The following PRKCH variants were observed in gnomAD, a reference collection of about 807,000 sequenced individuals.
PRKCH encodes the protein protein kinase C eta type.
Under a neutral mutation model 82.5 loss-of-function variants are expected in PRKCH, and 28 were observed. The observed-to-expected ratio is 0.34, with a 90% confidence interval of 0.25 to 0.47. The LOEUF (loss-of-function observed/expected upper bound fraction) is 0.47, where lower values mean the gene tolerates loss of function less well. Among genes scored for constraint, PRKCH ranks in the 20% least tolerant of loss-of-function variants. The probability of loss-of-function intolerance (pLI) is 1.00; values close to 1 mark genes in which losing one functional copy is unlikely to be tolerated. For synonymous variants in PRKCH, 322 were observed against 327.4 expected (o/e 0.98, Z 0.18); for missense variants, 705 against 881.8 (o/e 0.80, Z 2.54).
chr14:61,318,184 C>T (rs560667071), upstream of PRKCH, among the ~76,000 whole-genome samples: 1 of 152,030 alleles, frequency 6.6e-6, no homozygotes, highest in Admixed American at 6.5e-5. Flanking sequence ...AGTGATCCTC[C>T]TGCCTCAGCA....
chr14:61,464,901 C>G (rs1197700903), intron 9 of PRKCH, among the ~76,000 whole-genome samples: 3 of 152,178 alleles, frequency 2.0e-5, no homozygotes, highest in Admixed American at 6.5e-5. Context: ...TGGGTATATA[C>G]CCAGTAATGG....
intron 1 of PRKCH, among the ~76,000 whole-genome samples, chr14:61,282,232 G>A (rs983162926): frequency 6.7e-6 from 1 of 148,266 alleles, no homozygotes; most frequent in Non-Finnish European, 1.5e-5. Flanking sequence ...ATTATAAAAA[G>A]AACTCAAATT....
At chr14:61,481,365 T>G (rs955059730) in intron 9 of PRKCH, among the ~76,000 whole-genome samples, 1 of 152,132 alleles carries the variant, frequency 6.6e-6, no homozygotes, top group Non-Finnish European at 1.5e-5. Flanking sequence ...TGGATGCCAT[T>G]CCAACAAGCC....
At chr14:61,524,153 C>G (rs1452984669) in intron 10 of PRKCH, among the ~76,000 whole-genome samples, 1 of 152,250 alleles carries the variant, frequency 6.6e-6, no homozygotes, top group Admixed American at 6.5e-5. Context: ...CTCTAGTGAT[C>G]TAAGCAGTAA....
chr14:61,536,511 G>C (rs2043111601), intron 12 of PRKCH, among the ~76,000 whole-genome samples: 1 of 152,134 alleles, frequency 6.6e-6, no homozygotes, highest in Admixed American at 6.6e-5. Flanking sequence ...TAGTGTGGGA[G>C]GGGCATCTTT....
At chr14:61,478,994 C>T (rs1353469392) in intron 9 of PRKCH, among the ~76,000 whole-genome samples, 2 of 152,206 alleles carry the variant, frequency 1.3e-5, no homozygotes, top group African/African-American at 2.4e-5. Flanking sequence ...AGAGGTACAA[C>T]GGATGTCTCA....
At chr14:61,327,249 CT>C in intron 1 of PRKCH, 1 of 342,846 alleles carries the variant, frequency 2.9e-6, no homozygotes, top group South Asian at 2.2e-5. Flanking sequence ...CATGGATTAT[CT>C]TTTCCCTTCC....
chr14:61,444,202 C>G (rs1165602447), intron 3 of PRKCH, among the ~76,000 whole-genome samples: 4 of 152,130 alleles, frequency 2.6e-5, no homozygotes, highest in Non-Finnish European at 5.9e-5. Flanking sequence ...AGATGCTAAA[C>G]CAGCTGTAGA....
At chr14:61,323,935 T>C (rs1194329280) in intron 1 of PRKCH, among the ~76,000 whole-genome samples, 8 of 152,226 alleles carry the variant, frequency 5.3e-5, no homozygotes, top group Non-Finnish European at 1.2e-4. Context: ...TTCTGAATTA[T>C]GGTGGTGCAG....
chr14:61,203,447 G>T (rs780842981), intron 1 of PRKCH, among the ~76,000 whole-genome samples: 4 of 152,194 alleles, frequency 2.6e-5, no homozygotes, highest in East Asian at 3.9e-4. Flanking sequence ...ATGGTGGAGG[G>T]GCTTGGGGGG....
At chr14:61,294,787 C>A (rs986770026) in intron 1 of PRKCH, among the ~76,000 whole-genome samples, 9 of 151,942 alleles carry the variant, frequency 5.9e-5, no homozygotes, top group African/African-American at 2.2e-4. Flanking sequence ...GAGATGCACC[C>A]CCCGCAAAAA....
intron 1 of PRKCH, among the ~76,000 whole-genome samples, chr14:61,366,620 G>A (rs570645851): frequency 3.9e-5 from 6 of 152,090 alleles, no homozygotes; most frequent in African/African-American, 1.2e-4. Flanking sequence ...GGAAATGGAT[G>A]TCGGTCATTT....
At chr14:61,471,832 G>A (rs553474112) in intron 9 of PRKCH, among the ~76,000 whole-genome samples, 2 of 152,122 alleles carry the variant, frequency 1.3e-5, no homozygotes, top group South Asian at 2.1e-4. Context: ...TGGTTCCCAG[G>A]GGGGAAGAAT....
At chr14:61,377,832 A>G (rs1475978560) in intron 1 of PRKCH, among the ~76,000 whole-genome samples, 6 of 152,044 alleles carry the variant, frequency 3.9e-5, no homozygotes, top group Non-Finnish European at 8.8e-5. Context: ...ATACTTCTAG[A>G]CCATAGCTGT....
chr14:61,457,373 G>A, intron 8 of PRKCH, 54 bp downstream of exon 8: 2 of 1,603,626 alleles, frequency 1.2e-6, no homozygotes, highest in African/African-American at 2.7e-5. Flanking sequence ...TGTGTATGGG[G>A]GGTGTGTGTG....
intron 10 of PRKCH, among the ~76,000 whole-genome samples, chr14:61,513,454 G>A (rs889126796): frequency 6.6e-6 from 1 of 152,134 alleles, no homozygotes; most frequent in East Asian, 1.9e-4. Context: ...GCCTAGGAAG[G>A]GATGCAGAGG....
intron 2 of PRKCH, among the ~76,000 whole-genome samples, chr14:61,399,094 C>T (rs1408453856): frequency 6.6e-6 from 1 of 152,134 alleles, no homozygotes; most frequent in Non-Finnish European, 1.5e-5. Flanking sequence ...GATATGACAT[C>T]TGGGCTTTAC....
At chr14:61,435,011 T>C (rs1883606957) in intron 2 of PRKCH, among the ~76,000 whole-genome samples, 1 of 152,126 alleles carries the variant, frequency 6.6e-6, no homozygotes, top group Non-Finnish European at 1.5e-5. Context: ...CTGGAAATGC[T>C]GAAAAATTAA....
chr14:61,286,622 C>G (rs1268939183), intron 1 of PRKCH, among the ~76,000 whole-genome samples: 6 of 151,696 alleles, frequency 4.0e-5, no homozygotes, highest in African/African-American at 1.5e-4. Context: ...ACTAAAAATA[C>G]AAAATTAGCC....
Sources: gnomAD v4.1 joint callset for allele counts (sites outside exome capture counted in the v4.1 genomes callset) on GRCh38, gnomAD v4.1.1 for gene constraint, MANE v1.5 for transcripts, NCBI Gene and HGNC (gene_info 2026-07-23, HGNC 2026-07-21) for gene names.